Variants in CPNE7 observed in about 807,000 individuals in gnomAD.
CPNE7 encodes copine 7, also known as copine-7.
A neutral mutation model predicts 66.5 loss-of-function variants in CPNE7; 78 were observed. The ratio of observed to expected loss-of-function variants is 1.17; its 90% CI spans 0.98 to 1.42. The LOEUF is 1.42. Ranked by LOEUF, CPNE7 falls within the 40% of genes most tolerant of loss-of-function variation. The probability of loss-of-function intolerance (pLI) is 0.00; values close to 1 mark genes in which losing one functional copy is unlikely to be tolerated. For missense variants in CPNE7, 1,012 were observed against 776.6 expected (o/e 1.30, Z -3.60); for synonymous variants, 468 against 336.7 (o/e 1.39, Z -4.27).
intron 9 of CPNE7, among the ~76,000 whole-genome samples, chr16:89,587,932 C>G (rs1169337921): frequency 2.4e-5 from 1 of 41,612 alleles, no homozygotes. Context: ...CCGCGTGTCA[C>G]CCACAGATAC....
rs773554090 is a variant in CPNE7, at chr16:89,584,897, C to A, written c.591+40C>A. The A allele has an allele frequency of 8.0e-5, 125 of 1,554,984 alleles. No individual in the cohort carries two copies. Among genetic ancestry groups the A allele is most frequent in the Non-Finnish European group, 1.0e-4 (118 of 1,129,490 alleles). ...ATGGGAACACAGGGAGGGGAAGGGG[C>A]TGTCCCCAGCCCTCACGCATCTCTG... On this transcript the variant is annotated intron_variant, in intron 5 of 14. Coordinates refer to ENST00000319518, the MANE Select transcript of CPNE7 (RefSeq NM_153636.3). This position sits in a 1 kb window ranked among gnomAD's most constrained non-coding sequence, Gnocchi z 6.0.
chr16:89,586,569 G>A (rs1015920290), intron 7 of CPNE7, 101 bp from the exon 8 acceptor site: 2 of 905,828 alleles, frequency 2.2e-6, no homozygotes, highest in South Asian at 1.5e-5. Flanking sequence ...CCCCACCACG[G>A]GGCCCTCTGC....
At position 89,584,021 on chromosome 16, in the gene CPNE7, C is replaced by T. The variant is rs779193206; in HGVS notation, c.433-7C>T. 1.7e-5 allele frequency: 28 copies of T among 1,611,828 alleles called. No individual in the cohort carries two copies. In the Admixed American group the frequency reaches 2.8e-4, roughly 16 times the overall value. On this transcript the variant is annotated splice_region_variant and splice_polypyrimidine_tract_variant and intron_variant, in intron 3 of 14. Transcript: ENST00000319518. The surrounding 1 kb of genome is among the most constrained non-coding windows in gnomAD (Gnocchi z 6.0). ...CCAAGCCTGGAGCCCGGGCGTCCCCCTGCCAGGTGATCGCCGAGGACATCT... is the reference window on the plus strand; with the variant it reads ...CCAAGCCTGGAGCCCGGGCGTCCCCTTGCCAGGTGATCGCCGAGGACATCT...
chr16:89,592,618 A>G (rs967239205), intron 13 of CPNE7, among the ~76,000 whole-genome samples: 1 of 141,512 alleles, frequency 7.1e-6, no homozygotes, highest in African/African-American at 2.6e-5. Flanking sequence ...AATTTTTTGT[A>G]TTTTTAGTAG....
At chr16:89,591,082 G>A (rs752622143) in intron 12 of CPNE7, 24 bp downstream of exon 12, 1 of 1,613,536 alleles carries the variant, frequency 6.2e-7, no homozygotes, top group Non-Finnish European at 8.5e-7. Flanking sequence ...GCAGGCCTGG[G>A]GAGGGGAGTG....
intron 13 of CPNE7, among the ~76,000 whole-genome samples, chr16:89,593,057 C>T (rs914276848): frequency 4.0e-5 from 6 of 151,860 alleles, no homozygotes; most frequent in African/African-American, 1.2e-4. Flanking sequence ...AGTGATCTGC[C>T]TGCCTCAGCC....
chr16:89,595,571 G>T lies in CPNE7; in HGVS notation c.1507G>T (p.Val503Leu). The part of the protein sequence containing the change: ...PRGEPALRDI[V>L]QFVPFRELKN... ...GGGTGAGCCCGCGCTCCGGGACATC[G>T]TACAGTTCGTGCCCTTCCGGGAGCT... is the stretch of plus-strand genomic sequence containing the variant. Residue 503 changes from valine (V) to leucine (L), a missense_variant, in exon 14 of 15, where the codon GTA becomes TTA. Transcript: ENST00000319518. 1.9e-6 allele frequency: 3 copies of T among 1,610,616 alleles called. No homozygotes were observed. The highest frequency in any genetic ancestry group is 2.5e-6 in the Non-Finnish European group (3 of 1,178,372).
At chr16:89,586,649 C>T (rs766407804) in intron 7 of CPNE7, 21 bp from the exon 8 acceptor site, 2 of 1,605,754 alleles carry the variant, frequency 1.2e-6, no homozygotes, top group East Asian at 2.2e-5. Context: ...TCTGGGGGGC[C>T]TCTGCTTGTT....
In CPNE7 at chr16:89,583,393, T is replaced by C. The variant is rs376596273; in HGVS notation, c.358-304T>C. ...GTGCAGGTGCAGGCCAGCTGGGCTGTGAGCTGCTTCCTGGCTTCCACCTGA... is the reference window on the plus strand; with the variant it reads ...GTGCAGGTGCAGGCCAGCTGGGCTGCGAGCTGCTTCCTGGCTTCCACCTGA... On this transcript the variant is annotated intron_variant, in intron 2 of 14. Transcript: ENST00000319518. 4.4e-5 allele frequency: 67 copies of C among 1,521,076 alleles called. No individual in the cohort carries two copies. The East Asian group carries it at 1.3e-3, about 30-fold the overall frequency. The allele number at this position is 1,521,076 out of a possible 1,614,324, so 94.2% of individuals were successfully genotyped here.
Position 89,591,534 on chromosome 16 carries a change from C to T in CPNE7, c.1302+274C>T, listed in dbSNP as rs192951804. On this transcript the variant is annotated intron_variant, in intron 13 of 14. Coordinates refer to ENST00000319518, the MANE Select transcript of CPNE7 (RefSeq NM_153636.3). The stretch of plus-strand genomic sequence containing the variant: ...CCTCTTCCTCTGGGCACCACAAGGC[C>T]GCGCACATGTCTACTGTTTGGCTGT... Among the ~76,000 whole-genome samples the T allele has an allele frequency of 9.2e-5, 14 of 152,302 alleles. No homozygotes were observed. The East Asian group carries it at 1.2e-3, about 13-fold the overall frequency.
In CPNE7 at chr16:89,584,178, C is replaced by T. The variant is rs185726444; in HGVS notation, c.507+76C>T. On this transcript the variant is annotated intron_variant, in intron 4 of 14. Transcript: ENST00000319518. The surrounding 1 kb of genome is among the most constrained non-coding windows in gnomAD (Gnocchi z 6.0). ...GTTCGAAAACCCGGTCCCTGCCCAG[C>T]GCTGACCTCGCGTGGCTATGTCCCG... The T allele has an allele frequency of 3.3e-5, 47 of 1,445,850 alleles. No individual in the cohort carries two copies. In the African/African-American group the frequency reaches 5.8e-4, roughly 18 times the overall value. The allele number at this position is 1,445,850 out of a possible 1,614,324, so 89.6% of individuals were successfully genotyped here.
In CPNE7 at chr16:89,576,010, C is replaced by A. The variant is rs766728645; in HGVS notation, c.113C>A (p.Pro38Gln). 2 of 1,373,296 alleles carry A rather than the reference C, an allele frequency of 1.5e-6. No homozygotes were observed. Among genetic ancestry groups the A allele is most frequent in the African/African-American group, 3.0e-5 (2 of 66,156 alleles). The allele number at this position is 1,373,296 out of a possible 1,614,324, so 85.1% of individuals were successfully genotyped here. ...TGCCGGCACCTGCTGGACCGCGACC[C>A]GCTCACCAAGTCCGACCCCAGCGTG... is the stretch of plus-strand genomic sequence containing the variant. ...LSCRHLLDRD[P>Q]LTKSDPSVAL... Residue 38 changes from proline (P) to glutamine (Q), a missense_variant, in exon 1 of 15, where the codon CCG (proline) becomes CAG (glutamine). Transcript: ENST00000319518.
rs1335375930 is a variant in CPNE7 at position 89,576,127 on chromosome 16, T to G, written c.174+56T>G. On this transcript the variant is annotated intron_variant, in intron 1 of 14. Transcript: ENST00000319518. ...CACCGGGCCGGGGCTGGCGCCGAGCTGGGGATGCGGAGACCAGAGCGGGCG... is the reference window on the plus strand; with the variant it reads ...CACCGGGCCGGGGCTGGCGCCGAGCGGGGGATGCGGAGACCAGAGCGGGCG... 5.7e-6 allele frequency: 7 copies of G among 1,226,828 alleles called. No homozygotes were observed. In the African/African-American group the frequency reaches 6.3e-5, roughly 11 times the overall value. The allele number at this position is 1,226,828 out of a possible 1,614,324, so 76.0% of individuals were successfully genotyped here.
Position 89,577,622 on chromosome 16 carries a change from G to A in CPNE7, c.258G>A (p.Val86=), listed in dbSNP as rs750049144. Residue 86 remains valine, a synonymous_variant, in exon 2 of 15, where the codon GTG becomes GTA. Transcript: ENST00000319518. ...VFTVDYYFEE[V]QRLRFEVYDT... ...CGGTGGACTACTACTTCGAGGAGGT[G>A]CAGAGGCTGCGCTTTGAGGTGTACG... 4 of 1,573,006 alleles carry A rather than the reference G, an allele frequency of 2.5e-6. No homozygotes were observed. Among genetic ancestry groups the A allele is most frequent in the African/African-American group, 1.3e-5 (1 of 74,334 alleles).
chr16:89,584,272 C>T lies in CPNE7; in HGVS notation c.507+170C>T, dbSNP rs146116987. 3.8e-4 allele frequency among the ~76,000 whole-genome samples: 58 copies of T among 152,318 alleles called. No individual in the cohort carries two copies. The highest frequency in any genetic ancestry group is 1.3e-3 in the African/African-American group (56 of 41,590). ...GTCACGGTCGCCATCATCACTGTCA[C>T]CGCCATTAGCTCTCCCGCCCCTCCT... On this transcript the variant is annotated intron_variant, in intron 4 of 14. Coordinates refer to ENST00000319518, the MANE Select transcript of CPNE7 (RefSeq NM_153636.3). This position sits in a 1 kb window ranked among gnomAD's most constrained non-coding sequence, Gnocchi z 6.0.
intron 9 of CPNE7, 126 bp from the exon 10 acceptor site, chr16:89,588,549 G>A (rs980542882): frequency 8.3e-6 from 10 of 1,201,444 alleles, no homozygotes; most frequent in Admixed American, 2.0e-5. Context: ...CAGCCCCCCA[G>A]CCCTACCCAC....
rs2059164953 is a variant in CPNE7, at chr16:89,591,270, CG to C, written c.1302+16del. On this transcript the variant is annotated intron_variant, in intron 13 of 14. Coordinates refer to ENST00000319518, the MANE Select transcript of CPNE7 (RefSeq NM_153636.3). ...CACCGGGAAAGCCTCTGTAGGTGCC[CG>C]GGGGGTGTGGTGCATGCTTGGTGTG... 9.0e-6 allele frequency: 14 copies of C among 1,562,170 alleles called. No homozygotes were observed. The highest frequency in any genetic ancestry group is 2.3e-5 in the East Asian group (1 of 43,402).
rs1302167412 is a variant in CPNE7 at position 89,580,660 on chromosome 16, T to C, written c.357+2939T>C. ...ACGGAACATCCCATCACCCGTCACATGGAACATCCCATCACCCATCACACG... is the reference window on the plus strand; with the variant it reads ...ACGGAACATCCCATCACCCGTCACACGGAACATCCCATCACCCATCACACG... On this transcript the variant is annotated intron_variant, in intron 2 of 14. Transcript: ENST00000319518. Among the ~76,000 whole-genome samples the C allele has an allele frequency of 3.4e-3, 298 of 86,732 alleles. 5 individuals carry two copies. Among genetic ancestry groups the C allele is most frequent in the Middle Eastern group, 0.024 (2 of 84 alleles). The allele number at this position is 86,732 out of a possible 152,430, so 56.9% of individuals were successfully genotyped here.
In CPNE7 at chr16:89,588,671, G is replaced by T; in HGVS notation, c.928-4G>T. 6.2e-7 allele frequency: 1 copy of T among 1,613,050 alleles called. No homozygotes were observed. On this transcript the variant is annotated splice_polypyrimidine_tract_variant and splice_region_variant and intron_variant, in intron 9 of 14. Coordinates refer to ENST00000319518, the MANE Select transcript of CPNE7 (RefSeq NM_153636.3). ...CACAGCTCCTGGCTCCCGGCCCACT[G>T]CAGGTGGCCATTGACTTCACCGCCT...
Sources: allele counts gnomAD v4.1 joint callset (sites outside exome capture counted in the v4.1 genomes callset), GRCh38; gene constraint gnomAD v4.1.1; non-coding constraint Gnocchi (gnomAD v3.1); transcripts MANE v1.5; gene names NCBI Gene and HGNC (gene_info 2026-07-23, HGNC 2026-07-21).